Variants in F5 observed in about 807,000 individuals in gnomAD.
F5 encodes activated protein c cofactor.
A neutral mutation model predicts 216.4 loss-of-function variants in F5; 138 were observed. The observed-to-expected ratio is 0.64, with a 90% CI of 0.56 to 0.73. The LOEUF is 0.73. F5 is among the 30% of genes least tolerant of loss of function. The probability of loss-of-function intolerance (pLI) is 0.00; values close to 1 mark genes in which losing one functional copy is unlikely to be tolerated. For synonymous variants in F5, 916 were observed against 930.7 expected, an observed-to-expected ratio of 0.98 and a Z score of 0.29; for missense variants, 2,403 against 2,674.0, an observed-to-expected ratio of 0.90 and a Z score of 2.24.
rs185294741 is a variant in F5, at chr1:169,520,513, A to G, written c.6193+7T>C. 4 of 1,613,818 alleles carry G rather than the reference A, an allele frequency of 2.5e-6. No individual in the cohort carries two copies. Among genetic ancestry groups the G allele is most frequent in the South Asian group, 1.1e-5 (1 of 91,092 alleles). On this transcript the variant is annotated splice_region_variant and intron_variant, in intron 22 of 24. Coordinates refer to ENST00000367797, the MANE Select transcript of F5 (RefSeq NM_000130.5). Reference sequence around the variant, plus strand: ...CAGTGAGAAAATAATGCATCTTTGTACCTTACCATTTACCTCACAACCTTG... The same window carrying G: ...CAGTGAGAAAATAATGCATCTTTGTGCCTTACCATTTACCTCACAACCTTG...
chr1:169,564,383 G>A (rs1660552113), intron 3 of F5, among the ~76,000 whole-genome samples: 1 of 151,980 alleles, frequency 6.6e-6, no homozygotes. Context: ...CTTCTCCGAA[G>A]TCCAAACTCT....
rs9332540 is a variant in F5 at position 169,570,419 on chromosome 1, C to T, written c.373+1802G>A. Among the ~76,000 whole-genome samples the T allele has an allele frequency of 2.1e-3, 323 of 152,228 alleles. 2 individuals carry two copies. Among genetic ancestry groups the T allele is most frequent in the African/African-American group, 7.3e-3 (304 of 41,574 alleles). Reference sequence around the variant, plus strand: ...ACTTCTGATGCAGTCGTCTAGAAGCCTCATAAGTAGGTGAAGTGGTTGTTC... The same window carrying T: ...ACTTCTGATGCAGTCGTCTAGAAGCTTCATAAGTAGGTGAAGTGGTTGTTC... On this transcript the variant is annotated intron_variant, in intron 3 of 24. Transcript: ENST00000367797.
chr1:169,518,500 G>T lies in F5; in HGVS notation c.6257C>A (p.Ser2086Ter). The change falls in exon 23 of 25, where the codon TCG becomes TAG. Residue 2086 changes from serine (S) to a stop codon, truncating the protein, a stop_gained. Coordinates refer to ENST00000367797, the MANE Select transcript of F5 (RefSeq NM_000130.5). LOFTEE classifies it high-confidence loss of function. ...KIENKQITAS[S>*]FKKSWWGDYW... is the part of the protein sequence containing the mutation. ...ATCTCCCCACCAAGATTTCTTAAAC[G>T]AAGAAGCTGTGATTTGCTTGTTTTC... is the stretch of plus-strand genomic sequence containing the variant. 6.2e-7 allele frequency: 1 copy of T among 1,613,830 alleles called. No individual in the cohort carries two copies. Among genetic ancestry groups the T allele is most frequent in the Non-Finnish European group, 8.5e-7 (1 of 1,179,856 alleles).
At chr1:169,536,197 C>T (rs766896859) in intron 14 of F5, among the ~76,000 whole-genome samples, 1 of 152,046 alleles carries the variant, frequency 6.6e-6, no homozygotes, top group Non-Finnish European at 1.5e-5. Flanking sequence ...CTATGAAACC[C>T]AATTCAATTG....
intron 5 of F5, 90 bp downstream of exon 5, chr1:169,559,063 G>T: frequency 7.1e-7 from 1 of 1,415,806 alleles, no homozygotes; most frequent in Non-Finnish European, 9.9e-7. Context: ...CAGTGAGTAT[G>T]GTCAACTTCT....
rs757213226 is a variant in F5, at chr1:169,544,453, G to A, written c.1818C>T (p.Asp606=). The change falls in exon 12 of 25, where the codon GAC becomes GAT. Residue 606 remains aspartate, a synonymous_variant. Transcript: ENST00000367797. The part of the protein sequence containing the change: ...SITTLGFCFD[D]TVQWHFCSVG... ...CACTACAGAAGTGCCACTGGACAGT[G>A]TCATCAAAGCAGAATCCAAGAGTAG... 5 of 1,614,124 alleles carry A rather than the reference G, an allele frequency of 3.1e-6. No individual in the cohort carries two copies. Among genetic ancestry groups the A allele is most frequent in the South Asian group, 2.2e-5 (2 of 91,090 alleles).
chr1:169,535,431 T>TG (rs1228355122), intron 14 of F5, among the ~76,000 whole-genome samples: 2 of 152,198 alleles, frequency 1.3e-5, no homozygotes, highest in African/African-American at 4.8e-5. Context: ...AAGTGGTTTT[T>TG]GGTTACATGG....
intron 23 of F5, among the ~76,000 whole-genome samples, chr1:169,516,458 A>AT (rs1659156927): frequency 6.6e-6 from 1 of 152,232 alleles, no homozygotes; most frequent in Admixed American, 6.5e-5. Flanking sequence ...CCACACATAC[A>AT]TAAGTGTATG....
At chr1:169,567,655 C>G (rs1304395971) in intron 3 of F5, among the ~76,000 whole-genome samples, 1 of 151,228 alleles carries the variant, frequency 6.6e-6, no homozygotes, top group Non-Finnish European at 1.5e-5. Context: ...ACTTTCTAAT[C>G]AGTCCTCGGC....
In F5 at chr1:169,552,656, G is replaced by A. The variant is rs1660200178; in HGVS notation, c.1197C>T (p.Tyr399=). The change falls in exon 8 of 25, where the codon TAC becomes TAT. Residue 399 remains tyrosine (Y), a synonymous_variant. Coordinates refer to ENST00000367797, the MANE Select transcript of F5 (RefSeq NM_000130.5). ...TATGTTTGGTGAAGGACTCATCTTCGTACTGTGTGTACATAACTTTCTTAT... is the reference window on the plus strand; with the variant it reads ...TATGTTTGGTGAAGGACTCATCTTCATACTGTGTGTACATAACTTTCTTAT... ...KHYKKVMYTQ[Y]EDESFTKHTV... is the part of the protein sequence containing the mutation. The A allele has an allele frequency of 4.3e-6, 7 of 1,612,268 alleles. No homozygotes were observed. The highest frequency in any genetic ancestry group is 1.1e-5 in the South Asian group (1 of 91,032).
At chr1:169,527,888 G>C in intron 17 of F5, 27 bp downstream of exon 17, 9 of 1,611,892 alleles carry the variant, frequency 5.6e-6, no homozygotes, top group Non-Finnish European at 6.8e-6. Flanking sequence ...TCTTAGCAGG[G>C]ACCTCTTCCC....
At chr1:169,546,246 G>A (rs1659999909) in intron 11 of F5, among the ~76,000 whole-genome samples, 196 bp downstream of exon 11, 1 of 152,028 alleles carries the variant, frequency 6.6e-6, no homozygotes, top group African/African-American at 2.4e-5. Flanking sequence ...CTAAGGATGT[G>A]AGCCTTTGAC....
chr1:169,524,781 T>A, intron 19 of F5, 56 bp downstream of exon 19: 1 of 1,370,754 alleles, frequency 7.3e-7, no homozygotes, highest in Non-Finnish European at 1.0e-6. Context: ...TTTCATAGGC[T>A]GCATGCTGCA....
intron 24 of F5, among the ~76,000 whole-genome samples, chr1:169,514,982 T>C (rs1399829392): frequency 6.6e-6 from 1 of 152,198 alleles, no homozygotes; most frequent in East Asian, 1.9e-4. Flanking sequence ...GAAGTCATTG[T>C]AAATATTTAA....
rs190196258 is a variant in F5, at chr1:169,550,188, T to A, written c.1397-173A>T. On this transcript the variant is annotated intron_variant, in intron 9 of 24. Transcript: ENST00000367797. ...GGTACATGTGCACAACGTGCAGGTT[T>A]GTTACATATGTATACATGTGTCATG... is the stretch of plus-strand genomic sequence containing the variant. 6.2e-4 allele frequency among the ~76,000 whole-genome samples: 94 copies of A among 152,046 alleles called. 1 individual carries two copies. Among genetic ancestry groups the A allele is most frequent in the African/African-American group, 2.2e-3 (93 of 41,478 alleles).
chr1:169,574,505 A>C (rs1571600299), intron 2 of F5, among the ~76,000 whole-genome samples: 1 of 152,228 alleles, frequency 6.6e-6, no homozygotes, highest in African/African-American at 2.4e-5. Context: ...GCTTCTCGCC[A>C]TTAGGCGTCC....
chr1:169,552,761 A>G (rs1246946902), intron 7 of F5, 27 bp from the exon 8 acceptor site: 6 of 1,547,374 alleles, frequency 3.9e-6, no homozygotes, highest in East Asian at 2.2e-5. Context: ...AAAAAATTAA[A>G]CCACTTTCTC....
Position 169,541,616 on chromosome 1 carries a change from C to A in F5, c.3474G>T (p.Glu1158Asp). 6.2e-7 allele frequency: 1 copy of A among 1,614,116 alleles called. No individual in the cohort carries two copies. The highest frequency in any genetic ancestry group is 8.5e-7 in the Non-Finnish European group (1 of 1,179,992). ...GGAAGGACTTGTGACTTCGGTCATA[C>A]TCAAGCATTTCACTGAGCTCTGGAG... ...SSSPELSEML[E>D]YDRSHKSFPT... Residue 1158 changes from glutamate (E) to aspartate (D), a missense_variant, in exon 13 of 25, where the codon GAG (glutamate) becomes GAT (aspartate). By Grantham distance (45) the Glu-to-Asp change is conservative. Transcript: ENST00000367797.
chr1:169,531,489 G>T (rs1433361708), intron 14 of F5, among the ~76,000 whole-genome samples: 2 of 152,190 alleles, frequency 1.3e-5, no homozygotes. Context: ...GTGGTTGGAA[G>T]AATTAAGGTA....
Sources: allele counts gnomAD v4.1 joint callset (sites outside exome capture counted in the v4.1 genomes callset), GRCh38; gene constraint gnomAD v4.1.1; transcripts MANE v1.5; gene names NCBI Gene and HGNC (gene_info 2026-07-23, HGNC 2026-07-21).